Variants in CCDC171 observed in about 807,000 individuals in gnomAD.
CCDC171 encodes coiled-coil domain-containing protein 171.
CCDC171 carries 177 observed loss-of-function variants against 168.2 expected under a neutral mutation model. The ratio of observed to expected loss-of-function variants is 1.05; its 90% CI spans 0.93 to 1.19. The LOEUF (loss-of-function observed/expected upper bound fraction) is 1.19. Among genes scored for constraint, CCDC171 ranks in the 50% most tolerant of loss-of-function variants. The pLI, the probability that CCDC171 is intolerant of heterozygous loss-of-function variation, is 0.00. For synonymous variants in CCDC171, 687 were observed against 540.8 expected (o/e 1.27, Z -3.75); for missense variants, 1,991 against 1,539.0 (o/e 1.29, Z -4.91).
chr9:15,897,870 T>C lies in CCDC171; in HGVS notation c.3601-22400T>C, dbSNP rs373134175. ...ATCAAACCAGGAAACTTGGAACACA[T>C]TGAGTGAACATGGGCTTTGGAATTG... On this transcript the variant is annotated intron_variant, in intron 24 of 25. Transcript: ENST00000380701. Among the ~76,000 whole-genome samples, 24 of 152,250 alleles carry C rather than the reference T, an allele frequency of 1.6e-4. No homozygotes were observed. The East Asian group carries it at 3.5e-3, about 22-fold the overall frequency.
At chr9:15,766,856 C>G (rs1287472698) in intron 18 of CCDC171, among the ~76,000 whole-genome samples, 1 of 152,024 alleles carries the variant, frequency 6.6e-6, no homozygotes, top group African/African-American at 2.4e-5. Flanking sequence ...AGATGGGAGT[C>G]TTACTATGTT....
intron 7 of CCDC171, among the ~76,000 whole-genome samples, chr9:15,625,035 G>C (rs887081374): frequency 6.6e-6 from 1 of 152,194 alleles, no homozygotes; most frequent in Non-Finnish European, 1.5e-5. Flanking sequence ...GTATCTCATT[G>C]TGGTTTTGAT....
intron 7 of CCDC171, among the ~76,000 whole-genome samples, chr9:15,634,525 T>C (rs1223037212): frequency 6.6e-6 from 1 of 152,222 alleles, no homozygotes; most frequent in African/African-American, 2.4e-5. Context: ...TTCAGATTTA[T>C]ATTCTTCAGA....
chr9:15,576,717 G>A (rs976055239), intron 3 of CCDC171, among the ~76,000 whole-genome samples: 10 of 152,202 alleles, frequency 6.6e-5, no homozygotes, highest in Non-Finnish European at 7.3e-5. Context: ...CGATATCCAC[G>A]TCGATCTTGT....
At position 15,771,366 on chromosome 9, in the gene CCDC171, C is replaced by A. The variant is rs1432695942; in HGVS notation, c.2672-6234C>A. The stretch of plus-strand genomic sequence containing the variant: ...TTGGCATGCAAAATTTTGATAATCT[C>A]TTTGACCTTTATCAATGTAAAAGGC... On this transcript the variant is annotated intron_variant, in intron 18 of 25. Coordinates refer to ENST00000380701, the MANE Select transcript of CCDC171 (RefSeq NM_173550.4). 2.0e-5 allele frequency among the ~76,000 whole-genome samples: 3 copies of A among 152,126 alleles called. 1 individual carries two copies. The highest frequency in any genetic ancestry group is 7.2e-5 in the African/African-American group (3 of 41,444).
chr9:16,063,568 T>C (rs1007229210), downstream of CCDC171, among the ~76,000 whole-genome samples: 2 of 152,224 alleles, frequency 1.3e-5, no homozygotes, highest in African/African-American at 4.8e-5. Flanking sequence ...GTTCCTTGAT[T>C]ATCTGAGAGG....
intron 10 of CCDC171, among the ~76,000 whole-genome samples, chr9:15,681,482 T>C (rs1197565851): frequency 6.6e-6 from 1 of 152,128 alleles, no homozygotes; most frequent in African/African-American, 2.4e-5. Context: ...TTCTGTTTTA[T>C]GCTTATTAGA....
chr9:15,865,941 T>C (rs2061766452), intron 23 of CCDC171, among the ~76,000 whole-genome samples: 1 of 151,910 alleles, frequency 6.6e-6, no homozygotes, highest in Non-Finnish European at 1.5e-5. Flanking sequence ...AGGGATTGCC[T>C]GGAGTTTCTT....
chr9:15,826,512 A>G (rs970642415), intron 21 of CCDC171, among the ~76,000 whole-genome samples: 5 of 152,160 alleles, frequency 3.3e-5, no homozygotes, highest in Non-Finnish European at 7.4e-5. Context: ...AGACTATGTC[A>G]TAAAGACATG....
intron 14 of CCDC171, among the ~76,000 whole-genome samples, chr9:15,726,769 A>T (rs1312926183): frequency 2.6e-5 from 4 of 152,030 alleles, no homozygotes; most frequent in Non-Finnish European, 2.9e-5. Context: ...AGACTTTCTA[A>T]ATTTTTCTTT....
the CCDC171 span, among the ~76,000 whole-genome samples, chr9:16,100,674 C>T: frequency 1.3e-5 from 2 of 152,128 alleles, no homozygotes; most frequent in South Asian, 4.1e-4. Context: ...ACTGGGCTGG[C>T]CAGAGTTGGA....
At chr9:15,760,985 A>T (rs578025657) in intron 18 of CCDC171, among the ~76,000 whole-genome samples, 2 of 152,182 alleles carry the variant, frequency 1.3e-5, no homozygotes, top group Admixed American at 1.3e-4. Context: ...TAGGATATCA[A>T]TCATGATGGG....
At chr9:15,744,035 ACTTTAC>A (rs1466305119) in intron 16 of CCDC171, among the ~76,000 whole-genome samples, 1 of 152,216 alleles carries the variant, frequency 6.6e-6, no homozygotes, top group East Asian at 1.9e-4. Flanking sequence ...TATGTGTTCT[ACTTTAC>A]ATAAAGCTTC....
At chr9:15,840,316 A>G (rs1024972815) in intron 21 of CCDC171, among the ~76,000 whole-genome samples, 28 of 152,182 alleles carry the variant, frequency 1.8e-4, no homozygotes, top group Non-Finnish European at 3.8e-4. Flanking sequence ...TTAAAACAGC[A>G]TTTAAATTCT....
intron 24 of CCDC171, among the ~76,000 whole-genome samples, chr9:15,890,135 T>C (rs1245874163): frequency 6.6e-6 from 1 of 152,038 alleles, no homozygotes; most frequent in Non-Finnish European, 1.5e-5. Flanking sequence ...GGCATTGCGC[T>C]GTACTCTGGG....
chr9:15,755,809 T>C (rs919831655), intron 18 of CCDC171, among the ~76,000 whole-genome samples: 14 of 152,140 alleles, frequency 9.2e-5, no homozygotes, highest in African/African-American at 2.7e-4. Flanking sequence ...TAAGGGAGTA[T>C]GGGAAGTGAC....
chr9:15,602,950 G>A (rs530452946), intron 6 of CCDC171, among the ~76,000 whole-genome samples: 5 of 151,838 alleles, frequency 3.3e-5, no homozygotes, highest in Middle Eastern at 3.4e-3. Context: ...GAGCCATCTC[G>A]CCTAGCCTTA....
At chr9:16,096,727 C>A in the CCDC171 span, among the ~76,000 whole-genome samples, 6 of 152,186 alleles carry the variant, frequency 3.9e-5, no homozygotes, top group Non-Finnish European at 8.8e-5. Context: ...AGAAACCACT[C>A]CCTTTCCTCA....
At chr9:15,882,989 C>A (rs113399413) in intron 24 of CCDC171, 1,332 of 78,118 alleles carry the variant, frequency 0.017, 130 homozygotes, top group East Asian at 0.073. Flanking sequence ...AGCCTGCCTG[C>A]CTGCCTTCCT....
Sources: allele counts gnomAD v4.1 joint callset (sites outside exome capture counted in the v4.1 genomes callset), GRCh38; gene constraint gnomAD v4.1.1; transcripts MANE v1.5; gene names NCBI Gene and HGNC (gene_info 2026-07-23, HGNC 2026-07-21).